ERO1B: variants seen among roughly 807,000 people sequenced by gnomAD.
ERO1B encodes the protein endoplasmic reticulum oxidoreductase 1 beta, also known as ERO1-like protein beta.
Under a neutral mutation model 75.3 loss-of-function variants are expected in ERO1B, and 49 were observed. The ratio of observed to expected loss-of-function variants is 0.65; its 90% CI spans 0.52 to 0.83. ERO1B has a LOEUF of 0.83. ERO1B is among the 40% of genes least tolerant of loss of function. ERO1B has a pLI of 0.00. For missense variants in ERO1B, 512 were observed against 560.1 expected (o/e 0.91, Z 0.87); for synonymous variants, 191 against 192.9 (o/e 0.99, Z 0.08).
At chr1:236,240,537 T>G (rs1434820587) in intron 6 of ERO1B, among the ~76,000 whole-genome samples, 1 of 152,202 alleles carries the variant, frequency 6.6e-6, no homozygotes, top group Non-Finnish European at 1.5e-5. Flanking sequence ...AAAATTTTGA[T>G]ACACAACCAG....
intron 1 of ERO1B, among the ~76,000 whole-genome samples, chr1:236,272,910 A>T (rs769404254): frequency 6.6e-6 from 1 of 152,104 alleles, no homozygotes; most frequent in Admixed American, 6.5e-5. Flanking sequence ...GGTTTGTAGC[A>T]CCTCATTCAT....
chr1:236,229,811 A>T (rs1381963276), intron 10 of ERO1B, among the ~76,000 whole-genome samples: 1 of 152,204 alleles, frequency 6.6e-6, no homozygotes, highest in Non-Finnish European at 1.5e-5. Flanking sequence ...TAACGTGGCA[A>T]ATATGTTTCG....
chr1:236,232,128 ATC>A (rs1664424752), intron 9 of ERO1B, among the ~76,000 whole-genome samples: 4 of 152,102 alleles, frequency 2.6e-5, no homozygotes, highest in East Asian at 1.9e-4. Context: ...GTGAGATACG[ATC>A]TGTTTCTCCT....
intron 10 of ERO1B, among the ~76,000 whole-genome samples, chr1:236,227,486 G>T (rs1486741713): frequency 2.0e-5 from 3 of 152,102 alleles, no homozygotes; most frequent in Non-Finnish European, 4.4e-5. Flanking sequence ...TGTATTTAAT[G>T]CCACTAAACA....
intron 4 of ERO1B, among the ~76,000 whole-genome samples, chr1:236,251,168 T>G (rs1044489977): frequency 1.3e-5 from 2 of 151,728 alleles, no homozygotes; most frequent in African/African-American, 2.4e-5. Context: ...AAAAAAAGTT[T>G]GTAACCTAAA....
Position 236,250,058 on chromosome 1 carries a change from T to A in ERO1B, c.349-91A>T, listed in dbSNP as rs1385797891. On this transcript the variant is annotated intron_variant, in intron 4 of 15. Transcript: ENST00000354619. ...AGAATAATCAATCTGTCAACAATGATATACACTAAATATACATACATTCCA... is the reference window on the plus strand; with the variant it reads ...AGAATAATCAATCTGTCAACAATGAAATACACTAAATATACATACATTCCA... The A allele has an allele frequency of 1.1e-5, 8 of 756,530 alleles. No homozygotes were observed. The highest frequency in any genetic ancestry group is 3.1e-5 in the Admixed American group (1 of 32,406). 46.9% of individuals were successfully genotyped at this position (756,530 alleles called of 1,614,324 possible).
chr1:236,218,910 C>T (rs529867930), intron 15 of ERO1B, among the ~76,000 whole-genome samples: 16 of 152,172 alleles, frequency 1.1e-4, no homozygotes, highest in African/African-American at 3.6e-4. Context: ...ACTCAATGTT[C>T]CCCAAACACA....
intron 10 of ERO1B, among the ~76,000 whole-genome samples, chr1:236,227,686 A>G (rs541153450): frequency 2.3e-4 from 35 of 152,224 alleles, no homozygotes; most frequent in African/African-American, 7.9e-4. Flanking sequence ...TGATGGGGGA[A>G]ATTTTTTTTT....
intron 2 of ERO1B, among the ~76,000 whole-genome samples, chr1:236,260,212 T>A (rs1665263137): frequency 6.6e-6 from 1 of 151,998 alleles, no homozygotes; most frequent in Admixed American, 6.6e-5. Flanking sequence ...AGACTACTAA[T>A]CACGACTATG....
At chr1:236,275,646 A>C (rs1296527154) in intron 1 of ERO1B, among the ~76,000 whole-genome samples, 1 of 151,970 alleles carries the variant, frequency 6.6e-6, no homozygotes, top group Admixed American at 6.6e-5. Flanking sequence ...CTTTCTAATC[A>C]CTTGGGTCTT....
At chr1:236,256,259 T>C (rs1665156498) in intron 2 of ERO1B, among the ~76,000 whole-genome samples, 2 of 152,158 alleles carry the variant, frequency 1.3e-5, no homozygotes, top group African/African-American at 4.8e-5. Context: ...GACCTCTCCA[T>C]GACAAGAAAG....
chr1:236,232,349 A>C (rs1380429758), intron 9 of ERO1B, among the ~76,000 whole-genome samples: 2 of 152,230 alleles, frequency 1.3e-5, no homozygotes, highest in African/African-American at 4.8e-5. Context: ...ATTCAGTTGA[A>C]ATAATTATTT....
At chr1:236,226,899 G>A (rs1174572080) in intron 10 of ERO1B, among the ~76,000 whole-genome samples, 160 bp from the exon 11 acceptor site, 1 of 152,140 alleles carries the variant, frequency 6.6e-6, no homozygotes, top group Non-Finnish European at 1.5e-5. Context: ...TCACTAGAAG[G>A]CAAAGTAAGA....
At chr1:236,235,720 A>T in intron 8 of ERO1B, 69 bp downstream of exon 8, 2 of 1,338,908 alleles carry the variant, frequency 1.5e-6, no homozygotes, top group Non-Finnish European at 2.1e-6. Flanking sequence ...TTTTTTCAAT[A>T]TGAAGTTTAG....
intron 10 of ERO1B, among the ~76,000 whole-genome samples, chr1:236,229,422 C>CA (rs199715484): frequency 0.022 from 2,444 of 112,258 alleles, 38 homozygotes; most frequent in African/African-American, 0.054. Context: ...GACTCTGACT[C>CA]AAAAAAAAAA....
intron 13 of ERO1B, among the ~76,000 whole-genome samples, chr1:236,223,202 CAAAAAAA>C (rs11322079): frequency 4.9e-5 from 4 of 80,928 alleles, no homozygotes; most frequent in Admixed American, 2.8e-4. Flanking sequence ...AACTCTGTCT[CAAAAAAA>C]AAAAAAAAAA....
chr1:236,241,949 T>G (rs1269169976), intron 6 of ERO1B, among the ~76,000 whole-genome samples: 1 of 151,704 alleles, frequency 6.6e-6, no homozygotes, highest in Admixed American at 6.6e-5. Context: ...GCACCTGTAG[T>G]CCCAGCTACT....
intron 1 of ERO1B, among the ~76,000 whole-genome samples, chr1:236,271,807 GC>G (rs1159391315): frequency 3.9e-5 from 6 of 152,052 alleles, no homozygotes; most frequent in African/African-American, 1.4e-4. Context: ...TTCTGGTAAT[GC>G]AGCCCTAAAC....
intron 15 of ERO1B, chr1:236,220,554 C>T (rs1342667642): frequency 4.7e-6 from 1 of 213,952 alleles, no homozygotes; most frequent in Non-Finnish European, 9.1e-6. Flanking sequence ...TGTAGTTGAA[C>T]AAGTTATAGC....
Sources: allele counts gnomAD v4.1 joint callset (sites outside exome capture counted in the v4.1 genomes callset), GRCh38; gene constraint gnomAD v4.1.1; transcripts MANE v1.5; gene names NCBI Gene and HGNC (gene_info 2026-07-23, HGNC 2026-07-21).